Variants in DMD observed in about 807,000 individuals in gnomAD.
The protein encoded by DMD is dystrophin, also known as mutant dystrophin.
In DMD, 63 loss-of-function variants were observed where a neutral mutation model predicts 330.1. The observed-to-expected ratio is 0.19, with a 90% CI of 0.16 to 0.24. DMD has a LOEUF of 0.24. Ranked by LOEUF, DMD falls within the 10% of genes least tolerant of loss-of-function variation. The pLI is 1.00. For synonymous variants in DMD, 1,223 were observed against 959.8 expected (o/e 1.27, Z -5.07); for missense variants, 3,344 against 2,684.1 (o/e 1.25, Z -5.43).
At chrX:33,157,953 A>G (rs2048586934) in intron 1 of DMD, among the ~76,000 whole-genome samples, 1 of 111,906 alleles carries the variant, frequency 8.9e-6, no homozygotes, top group Admixed American at 9.5e-5. Context: ...GTGAAACTCC[A>G]TCTCAAAAAA....
intron 2 of DMD, among the ~76,000 whole-genome samples, chrX:32,949,341 G>GATA (rs1230626437): frequency 2.9e-4 from 23 of 78,703 alleles, no homozygotes; most frequent in Non-Finnish European, 4.5e-4. Context: ...TAGGTAGGTA[G>GATA]GTAGATAGAT....
chrX:32,867,340 C>T lies in DMD; in HGVS notation c.94-17520G>A, dbSNP rs730523. On this transcript the variant is annotated intron_variant, in intron 2 of 78. Coordinates refer to ENST00000357033, the MANE Select transcript of DMD (RefSeq NM_004006.3). The stretch of plus-strand genomic sequence containing the variant: ...TAAATCAAAAATAGTTCCCTGTGAA[C>T]TAAAACTGTCACCTTTAGTTAGTGT... Among the ~76,000 whole-genome samples the T allele has an allele frequency of 5.5e-3, 618 of 111,832 alleles. 2 individuals carry two copies. The highest frequency in any genetic ancestry group is 7.9e-3 in the Non-Finnish European group (420 of 53,217).
intron 47 of DMD, among the ~76,000 whole-genome samples, chrX:31,907,237 G>T (rs1295577432): frequency 9.0e-6 from 1 of 111,030 alleles, no homozygotes; most frequent in African/African-American, 3.3e-5. Flanking sequence ...GCCAATAAAG[G>T]GTATATTATC....
intron 2 of DMD, among the ~76,000 whole-genome samples, chrX:32,952,342 C>T (rs2091300675): frequency 9.0e-6 from 1 of 110,520 alleles, no homozygotes; most frequent in Non-Finnish European, 1.9e-5. Context: ...CCGCGTTGGT[C>T]AGGCTGGTCT....
At chrX:32,547,091 A>T (rs1305664376) in intron 16 of DMD, among the ~76,000 whole-genome samples, 1 of 111,237 alleles carries the variant, frequency 9.0e-6, no homozygotes, top group African/African-American at 3.3e-5. Context: ...AACCATGAGC[A>T]CACTTTCTTT....
chrX:31,829,660 A>C (rs1484637687), intron 49 of DMD, among the ~76,000 whole-genome samples: 2 of 112,026 alleles, frequency 1.8e-5, no homozygotes. Context: ...AATCATAAAA[A>C]ATCATTTGTT....
chrX:32,939,250 G>GTA (rs1227809610), intron 2 of DMD, among the ~76,000 whole-genome samples: 60 of 104,232 alleles, frequency 5.8e-4, no homozygotes, highest in African/African-American at 1.9e-3. Flanking sequence ...AGATATATAT[G>GTA]TATATATATG....
Position 32,644,947 on chromosome X carries a change from T to A in DMD, c.1149+17A>T. 3 of 1,206,326 alleles carry A rather than the reference T, an allele frequency of 2.5e-6. No individual in the cohort carries two copies. Among genetic ancestry groups the A allele is most frequent in the Non-Finnish European group, 3.4e-6 (3 of 890,663 alleles). On this transcript the variant is annotated intron_variant, in intron 10 of 78. Coordinates refer to ENST00000357033, the MANE Select transcript of DMD (RefSeq NM_004006.3). Reference sequence around the variant, plus strand: ...CAAGTCATATGTTTTGTTTTGTAAATTAACGTTTTAGTTTACCTCATGAGT... The same window carrying A: ...CAAGTCATATGTTTTGTTTTGTAAAATAACGTTTTAGTTTACCTCATGAGT...
At chrX:31,453,765 CAAAA>C (rs760511403) in intron 59 of DMD, among the ~76,000 whole-genome samples, 2 of 8,983 alleles carry the variant, frequency 2.2e-4, no homozygotes, top group Non-Finnish European at 3.4e-4. Flanking sequence ...AAAAAACAAG[CAAAA>C]AAAAAAAAAA....
At chrX:32,358,025 C>T (rs1370340121) in intron 37 of DMD, among the ~76,000 whole-genome samples, 3 of 110,132 alleles carry the variant, frequency 2.7e-5, no homozygotes, top group Non-Finnish European at 5.7e-5. Context: ...ACAGTAAGCT[C>T]CTTGAATCCA....
intron 2 of DMD, among the ~76,000 whole-genome samples, chrX:32,948,425 A>C (rs2090971617): frequency 8.9e-6 from 1 of 111,939 alleles, no homozygotes; most frequent in Non-Finnish European, 1.9e-5. Context: ...GTGGAGCTTT[A>C]GTTTGATGTA....
At chrX:31,468,069 A>G (rs749936397) in intron 59 of DMD, among the ~76,000 whole-genome samples, 1 of 111,062 alleles carries the variant, frequency 9.0e-6, no homozygotes, top group East Asian at 2.8e-4. Context: ...CTTCTTTATT[A>G]GTCTGGCTAG....
At chrX:32,624,968 C>T (rs1447335786) in intron 11 of DMD, among the ~76,000 whole-genome samples, 2 of 110,985 alleles carry the variant, frequency 1.8e-5, no homozygotes, top group South Asian at 7.6e-4. Flanking sequence ...GTCAGGAGTT[C>T]GAAAGCATCC....
intron 63 of DMD, among the ~76,000 whole-genome samples, chrX:31,227,635 AG>A (rs2046745567): frequency 9.0e-6 from 1 of 111,196 alleles, no homozygotes; most frequent in Admixed American, 9.5e-5. Context: ...AATTCTGTGA[AG>A]AAAGTCATTG....
At chrX:31,818,905 T>C (rs1191973655) in intron 50 of DMD, among the ~76,000 whole-genome samples, 1 of 111,352 alleles carries the variant, frequency 9.0e-6, no homozygotes, top group African/African-American at 3.3e-5. Flanking sequence ...ATGATTGTGC[T>C]ACCCCAGCTG....
At chrX:32,756,608 T>C (rs1022393802) in intron 7 of DMD, among the ~76,000 whole-genome samples, 3 of 107,715 alleles carry the variant, frequency 2.8e-5, no homozygotes, top group African/African-American at 1.0e-4. Context: ...TGTGGATCAA[T>C]TTGGGAAACA....
At chrX:32,895,844 C>CGTGTGTGTGT (rs5902042) in intron 2 of DMD, among the ~76,000 whole-genome samples, 9 of 99,809 alleles carry the variant, frequency 9.0e-5, no homozygotes, top group African/African-American at 3.0e-4. Flanking sequence ...TTGGAATGAA[C>CGTGTGTGTGT]GTGTGTGTGT....
At chrX:31,302,723 A>G (rs765904049) in intron 62 of DMD, among the ~76,000 whole-genome samples, 1 of 111,199 alleles carries the variant, frequency 9.0e-6, no homozygotes, top group South Asian at 3.8e-4. Context: ...GGCTCTAGGA[A>G]ACAGCTATTT....
At position 33,182,307 on chromosome X, in the gene DMD, C is replaced by T. The variant is rs987732891; in HGVS notation, c.31+28975G>A. ...TGAGACATAATCTTGCTCTGTTGCC[C>T]AAGTTGGAATGCAATGGTGAGATCA... is the stretch of plus-strand genomic sequence containing the variant. On this transcript the variant is annotated intron_variant, in intron 1 of 78. Coordinates refer to ENST00000357033, the MANE Select transcript of DMD (RefSeq NM_004006.3). Among the ~76,000 whole-genome samples the T allele has an allele frequency of 2.7e-5, 3 of 111,550 alleles. No individual in the cohort carries two copies. In the Admixed American group the frequency reaches 2.9e-4, roughly 11 times the overall value.
Sources: gnomAD v4.1 joint callset for allele counts (sites outside exome capture counted in the v4.1 genomes callset) on GRCh38, gnomAD v4.1.1 for gene constraint, MANE v1.5 for transcripts, NCBI Gene and HGNC (gene_info 2026-07-23, HGNC 2026-07-21) for gene names.